B3GLCT: variants seen among roughly 807,000 people sequenced by gnomAD.
B3GLCT encodes the protein beta-1,3-glucosyltransferase.
In B3GLCT, 65 loss-of-function variants were observed where a neutral mutation model predicts 63.4. The observed-to-expected ratio is 1.03, with a 90% CI of 0.84 to 1.26. B3GLCT has a LOEUF of 1.26. B3GLCT is among the 50% of genes most tolerant of loss of function. The pLI is 0.00. For missense variants in B3GLCT, 577 were observed against 604.8 expected (o/e 0.95, Z 0.48); for synonymous variants, 233 against 219.2 (o/e 1.06, Z -0.55).
chr13:31,208,419 C>T (rs1364036851), intron 1 of B3GLCT, among the ~76,000 whole-genome samples: 2 of 152,156 alleles, frequency 1.3e-5, no homozygotes, highest in African/African-American at 4.8e-5. Context: ...ATTGCACGCA[C>T]ACCCCTGTGC....
At chr13:31,258,401 A>G (rs1217707268) in intron 6 of B3GLCT, among the ~76,000 whole-genome samples, 1 of 152,034 alleles carries the variant, frequency 6.6e-6, no homozygotes, top group African/African-American at 2.4e-5. Context: ...TCTACTTCCA[A>G]AATATATCTC....
At chr13:31,220,641 C>T (rs1869766041) in intron 2 of B3GLCT, among the ~76,000 whole-genome samples, 1 of 152,184 alleles carries the variant, frequency 6.6e-6, no homozygotes, top group East Asian at 1.9e-4. Flanking sequence ...CATTTTGGTT[C>T]CATCTCAATT....
chr13:31,222,878 G>A, intron 2 of B3GLCT, 74 bp from the exon 3 acceptor site: 1 of 971,814 alleles, frequency 1.0e-6, no homozygotes, highest in East Asian at 2.4e-5. Context: ...CATGCACCAT[G>A]CATGTTTACT....
intron 7 of B3GLCT, among the ~76,000 whole-genome samples, chr13:31,267,020 C>T (rs970556037): frequency 1.3e-5 from 2 of 152,202 alleles, no homozygotes; most frequent in African/African-American, 4.8e-5. Flanking sequence ...ATCCCCACGC[C>T]TCAGCCTCCC....
chr13:31,330,324 C>T lies in B3GLCT; in HGVS notation c.*656C>T, dbSNP rs529216038. The T allele has an allele frequency of 3.2e-4, 49 of 152,324 alleles. No individual in the cohort carries two copies. Among genetic ancestry groups the T allele is most frequent in the African/African-American group, 1.1e-3 (45 of 41,554 alleles). The allele number at this position is 152,324 out of a possible 1,614,324, so 9.4% of individuals were successfully genotyped here. A position where few individuals can be genotyped will look rare whatever the true frequency, so the allele number is the denominator to read the frequency against. ...CCTCATAAAAAGAGAATGAGGTCTT[C>T]TGCTAGAGCTTCGTATTGCTTTGGA... On this transcript the variant is annotated 3_prime_UTR_variant, in exon 15 of 15. Transcript: ENST00000343307.
At chr13:31,266,137 G>A (rs377588222) in intron 7 of B3GLCT, among the ~76,000 whole-genome samples, 16 of 151,986 alleles carry the variant, frequency 1.1e-4, no homozygotes, top group South Asian at 2.1e-4. Flanking sequence ...AGCTGGGACT[G>A]CAGGTGCCCG....
Position 31,282,649 on chromosome 13 carries a change from CAAAA to C in B3GLCT, c.851-1985_851-1982del, listed in dbSNP as rs11333268. ...AGAGCGAGAGAGTGAGACTCTGTCTCAAAAAAAAAAAAAAAAATGACAGATGCAT... is the reference window on the plus strand; with the variant it reads ...AGAGCGAGAGAGTGAGACTCTGTCTCAAAAAAAAAAAAATGACAGATGCAT... On this transcript the variant is annotated intron_variant, in intron 10 of 14. Coordinates refer to ENST00000343307, the MANE Select transcript of B3GLCT (RefSeq NM_194318.4). 4.6e-5 allele frequency among the ~76,000 whole-genome samples: 6 copies of C among 130,110 alleles called. No homozygotes were observed. The South Asian group carries it at 1.3e-3, about 28-fold the overall frequency. The allele number at this position is 130,110 out of a possible 152,430, so 85.4% of individuals were successfully genotyped here. A position where few individuals can be genotyped will look rare whatever the true frequency, so the allele number is the denominator to read the frequency against.
intron 12 of B3GLCT, among the ~76,000 whole-genome samples, chr13:31,299,106 C>A (rs1479495937): frequency 1.3e-5 from 2 of 152,216 alleles, no homozygotes; most frequent in Non-Finnish European, 2.9e-5. Context: ...GCATCCTCTT[C>A]ACCCCTTCTT....
chr13:31,230,471 C>A (rs1870321464), intron 4 of B3GLCT, among the ~76,000 whole-genome samples: 1 of 152,150 alleles, frequency 6.6e-6, no homozygotes, highest in African/African-American at 2.4e-5. Context: ...TCAGAAATGT[C>A]AGTGGAAACA....
chr13:31,326,983 A>G (rs895964572), intron 14 of B3GLCT, among the ~76,000 whole-genome samples: 1 of 152,168 alleles, frequency 6.6e-6, no homozygotes, highest in East Asian at 1.9e-4. Flanking sequence ...TCTATCTTCA[A>G]CAGTTCATTT....
At chr13:31,286,591 AT>A in intron 11 of B3GLCT, 128 bp from the exon 12 acceptor site, 2 of 643,694 alleles carry the variant, frequency 3.1e-6, no homozygotes, top group Non-Finnish European at 5.4e-6. Context: ...ATTTTTAAAA[AT>A]TTTGAACTTT....
At chr13:31,248,425 G>A (rs1871289187) in intron 6 of B3GLCT, among the ~76,000 whole-genome samples, 1 of 152,216 alleles carries the variant, frequency 6.6e-6, no homozygotes, top group Admixed American at 6.5e-5. Flanking sequence ...CAGAATAGCA[G>A]GGAGAACAGA....
intron 6 of B3GLCT, among the ~76,000 whole-genome samples, chr13:31,260,689 A>G (rs1476736809): frequency 6.6e-6 from 1 of 152,178 alleles, no homozygotes; most frequent in African/African-American, 2.4e-5. Context: ...TTATACATTT[A>G]TGGTATAATG....
At chr13:31,225,293 CTTA>C (rs1044750941) in intron 3 of B3GLCT, among the ~76,000 whole-genome samples, 4 of 152,124 alleles carry the variant, frequency 2.6e-5, no homozygotes, top group African/African-American at 9.7e-5. Context: ...ATGGAATTGT[CTTA>C]TTTAGCTCTG....
intron 8 of B3GLCT, among the ~76,000 whole-genome samples, chr13:31,273,318 A>T (rs1386935454): frequency 6.6e-6 from 1 of 151,938 alleles, no homozygotes; most frequent in East Asian, 1.9e-4. Flanking sequence ...CTGGTCTCGA[A>T]CTCCTGACCT....
At chr13:31,226,494 A>G in intron 3 of B3GLCT, among the ~76,000 whole-genome samples, 1 of 152,246 alleles carries the variant, frequency 6.6e-6, no homozygotes, top group East Asian at 1.9e-4. Flanking sequence ...CTGTATGGAA[A>G]TGCTGTTGTC....
intron 10 of B3GLCT, chr13:31,283,094 C>G (rs1284572187): frequency 6.6e-6 from 1 of 152,184 alleles, no homozygotes; most frequent in Admixed American, 6.5e-5. Context: ...CACCCGTGTT[C>G]TTTAATAAAC....
chr13:31,280,328 G>A (rs1164130642), intron 10 of B3GLCT, among the ~76,000 whole-genome samples: 1 of 152,130 alleles, frequency 6.6e-6, no homozygotes, highest in Non-Finnish European at 1.5e-5. Flanking sequence ...TACAATTTAT[G>A]TTCTCCTGCC....
At chr13:31,313,201 C>A (rs1289113672) in intron 12 of B3GLCT, among the ~76,000 whole-genome samples, 1 of 152,164 alleles carries the variant, frequency 6.6e-6, no homozygotes, top group Non-Finnish European at 1.5e-5. Context: ...TTTGTTCTTA[C>A]CCATCCCTCC....
Sources: gnomAD v4.1 joint callset for allele counts (sites outside exome capture counted in the v4.1 genomes callset) on GRCh38, gnomAD v4.1.1 for gene constraint, MANE v1.5 for transcripts, NCBI Gene and HGNC (gene_info 2026-07-23, HGNC 2026-07-21) for gene names.